NR5A1: variants seen among roughly 807,000 people sequenced by gnomAD.
NR5A1 encodes the protein nuclear receptor subfamily 5 group A member 1.
A neutral mutation model predicts 42.7 loss-of-function variants in NR5A1; 6 were observed. The ratio of observed to expected loss-of-function variants is 0.14; its 90% CI spans 0.08 to 0.28. The LOEUF is 0.28. Ranked by LOEUF, NR5A1 falls within the 10% of genes least tolerant of loss-of-function variation. The pLI is 1.00. For missense variants in NR5A1, 442 were observed against 626.4 expected (o/e 0.71, Z 3.14); for synonymous variants, 274 against 277.5 (o/e 0.99, Z 0.12).
At position 124,496,026 on chromosome 9, in the gene NR5A1, C is replaced by T. The variant is rs376783405; in HGVS notation, c.871-2877G>A. Among the ~76,000 whole-genome samples the T allele has an allele frequency of 5.9e-5, 9 of 152,284 alleles. No individual in the cohort carries two copies. The highest frequency in any genetic ancestry group is 1.7e-4 in the African/African-American group (7 of 41,530). On this transcript the variant is annotated intron_variant, in intron 4 of 6. Coordinates refer to ENST00000373588, the MANE Select transcript of NR5A1 (RefSeq NM_004959.5). The surrounding 1 kb of genome is among the most constrained non-coding windows in gnomAD (Gnocchi z 5.0). ...AACACACATTGGGATGTATGGGAAT[C>T]GGTGGACCTGCTGTTGGTTCTTACG...
Position 124,483,647 on chromosome 9 carries a change from G to A in NR5A1, c.1139-642C>T, listed in dbSNP as rs145109991. On this transcript the variant is annotated intron_variant, in intron 6 of 6. Coordinates refer to ENST00000373588, the MANE Select transcript of NR5A1 (RefSeq NM_004959.5). Reference sequence around the variant, plus strand: ...CCCCTGGCACGATCAAAGCCATCTTGTCTCCATCATCACTGATGCCTCATC... The same window carrying A: ...CCCCTGGCACGATCAAAGCCATCTTATCTCCATCATCACTGATGCCTCATC... Among the ~76,000 whole-genome samples, 511 of 152,332 alleles carry A rather than the reference G, an allele frequency of 3.4e-3. 2 individuals carry two copies. The highest frequency in any genetic ancestry group is 0.012 in the African/African-American group (489 of 41,576).
In NR5A1 at chr9:124,500,465, C is replaced by T. The variant is rs753145150; in HGVS notation, c.495G>A (p.Gly165=). Residue 165 remains glycine (G), a synonymous_variant, in exon 4 of 7, where the codon GGG becomes GGA. Transcript: ENST00000373588. The surrounding 1 kb of genome is among the most constrained non-coding windows in gnomAD (Gnocchi z 6.9). The stretch of plus-strand genomic sequence containing the variant: ...GCACGGCCATGGGCAGTGCTGGGGC[C>T]CCAAAGTCGCCCAGTGGCCCAGCAG... The part of the protein sequence containing the change: ...GPPAGPLGDF[G]APALPMAVPG... 3 of 1,593,210 alleles carry T rather than the reference C, an allele frequency of 1.9e-6. No individual in the cohort carries two copies. The highest frequency in any genetic ancestry group is 2.6e-6 in the Non-Finnish European group (3 of 1,172,014).
chr9:124,497,649 C>G (rs993924527), intron 4 of NR5A1, among the ~76,000 whole-genome samples: 1 of 152,122 alleles, frequency 6.6e-6, no homozygotes, highest in Admixed American at 6.5e-5. Flanking sequence ...CCTCCCTGAC[C>G]CGGAACCTGG....
rs370021010 is a variant in NR5A1, at chr9:124,494,573, G to A, written c.871-1424C>T. The stretch of plus-strand genomic sequence containing the variant: ...TCTGGGGAGGCAGAACTGGTGTTCA[G>A]CTCTTCTCTGGGCCCCAGAGCAGTG... On this transcript the variant is annotated intron_variant, in intron 4 of 6. Coordinates refer to ENST00000373588, the MANE Select transcript of NR5A1 (RefSeq NM_004959.5). 6.6e-5 allele frequency among the ~76,000 whole-genome samples: 10 copies of A among 152,340 alleles called. No individual in the cohort carries two copies. The South Asian group carries it at 2.1e-3, about 32-fold the overall frequency.
At chr9:124,489,661 C>G (rs1376263238) in intron 6 of NR5A1, among the ~76,000 whole-genome samples, 1 of 152,050 alleles carries the variant, frequency 6.6e-6, no homozygotes, top group African/African-American at 2.4e-5. Flanking sequence ...GGGAGCTTCC[C>G]CAGCTGCAGC....
At chr9:124,494,900 A>C (rs899227680) in intron 4 of NR5A1, among the ~76,000 whole-genome samples, 1 of 152,212 alleles carries the variant, frequency 6.6e-6, no homozygotes, top group Non-Finnish European at 1.5e-5. Flanking sequence ...TCAGAGGGGA[A>C]CTGGGCCAAG....
chr9:124,484,316 C>T (rs1832175621), intron 6 of NR5A1, among the ~76,000 whole-genome samples: 1 of 152,344 alleles, frequency 6.6e-6, no homozygotes, highest in African/African-American at 2.4e-5. Context: ...GTGGTGACCG[C>T]ACCCCAAGGA....
rs1046008206 is a variant in NR5A1 at position 124,482,340 on chromosome 9, A to G, written c.*418T>C. 3 of 304,710 alleles carry G rather than the reference A, an allele frequency of 9.8e-6. No individual in the cohort carries two copies. Among genetic ancestry groups the G allele is most frequent in the Non-Finnish European group, 1.3e-5 (2 of 154,528 alleles). 18.9% of individuals were successfully genotyped at this position (304,710 alleles called of 1,614,324 possible). A position where few individuals can be genotyped will look rare whatever the true frequency, so the allele number is the denominator to read the frequency against. ...CTCCTCCCCTAGTTGATACCTGCTC[A>G]ACTTCTCCCTGTCTGTTTCCAGGAG... On this transcript the variant is annotated 3_prime_UTR_variant, in exon 7 of 7. Transcript: ENST00000373588.
chr9:124,491,171 G>A lies in NR5A1; in HGVS notation c.1048C>T (p.Arg350Trp), dbSNP rs754336683. 2 of 1,609,002 alleles carry A rather than the reference G, an allele frequency of 1.2e-6. No individual in the cohort carries two copies. The highest frequency in any genetic ancestry group is 1.7e-6 in the Non-Finnish European group (2 of 1,178,530). Residue 350 changes from arginine (R) to tryptophan (W), a missense_variant, in exon 6 of 7, where the codon CGG (arginine) becomes TGG (tryptophan). Physicochemically the swap from Arg to Trp is moderately radical, Grantham distance 101. This residue lies in a region of NR5A1 where 163 missense variants were observed against 265.8 expected (regional missense o/e 0.61). Coordinates refer to ENST00000373588, the MANE Select transcript of NR5A1 (RefSeq NM_004959.5). The stretch of plus-strand genomic sequence containing the variant: ...AGCTGCAGCACCAGCTCCTGCGCCC[G>A]CAACACCAGGCTGTGCAGCAGCGAG... ...AGSLLHSLVL[R>W]AQELVLQLLA...
At chr9:124,491,618 A>T (rs1316208468) in intron 5 of NR5A1, among the ~76,000 whole-genome samples, 1 of 151,994 alleles carries the variant, frequency 6.6e-6, no homozygotes, top group African/African-American at 2.4e-5. Context: ...ACACATCCAC[A>T]TGGCTTCCCA....
Position 124,498,587 on chromosome 9 carries a change from T to C in NR5A1, c.870+1503A>G, listed in dbSNP as rs547599763. On this transcript the variant is annotated intron_variant, in intron 4 of 6. Coordinates refer to ENST00000373588, the MANE Select transcript of NR5A1 (RefSeq NM_004959.5). This position sits in a 1 kb window ranked among gnomAD's most constrained non-coding sequence, Gnocchi z 4.6. ...CTCTGCACGGGGGGTGCATGGGAAG[T>C]CTGGAGGGAAGCTAGCAACCAACCC... Among the ~76,000 whole-genome samples, 1 of 152,270 alleles carries C rather than the reference T, an allele frequency of 6.6e-6. No individual in the cohort carries two copies. Among genetic ancestry groups the C allele is most frequent in the South Asian group, 2.1e-4 (1 of 4,818 alleles).
In NR5A1 at chr9:124,500,024, G is replaced by C. The variant is rs1042873205; in HGVS notation, c.870+66C>G. 68 of 1,610,802 alleles carry C rather than the reference G, an allele frequency of 4.2e-5. No individual in the cohort carries two copies. The East Asian group carries it at 9.1e-4, about 22-fold the overall frequency. ...GGATGGCCCTATCCAAAGGACAGTC[G>C]GGCTAAGGCTTGGGCAGCCGGGAGG... On this transcript the variant is annotated intron_variant, in intron 4 of 6. Transcript: ENST00000373588. This position sits in a 1 kb window ranked among gnomAD's most constrained non-coding sequence, Gnocchi z 6.9.
At chr9:124,483,524 G>T (rs867331546) in intron 6 of NR5A1, among the ~76,000 whole-genome samples, 2 of 152,180 alleles carry the variant, frequency 1.3e-5, no homozygotes, top group Non-Finnish European at 2.9e-5. Flanking sequence ...TGAGAAGCTC[G>T]GTGGGTTGGG....
At chr9:124,487,700 AG>A (rs1250104672) in intron 6 of NR5A1, among the ~76,000 whole-genome samples, 1 of 152,206 alleles carries the variant, frequency 6.6e-6, no homozygotes, top group Non-Finnish European at 1.5e-5. Flanking sequence ...GCCGCCCCCG[AG>A]GGGGACGCCC....
rs773978626 is a variant in NR5A1 at position 124,491,166 on chromosome 9, C to T, written c.1053G>A (p.Ala351=). ...CAAGCAGCTGCAGCACCAGCTCCTG[C>T]GCCCGCAACACCAGGCTGTGCAGCA... ...GSLLHSLVLR[A]QELVLQLLAL... is the part of the protein sequence containing the mutation. The change falls in exon 6 of 7, where the codon GCG becomes GCA. Residue 351 remains alanine, a synonymous_variant. Coordinates refer to ENST00000373588, the MANE Select transcript of NR5A1 (RefSeq NM_004959.5). The T allele has an allele frequency of 1.8e-5, 29 of 1,609,058 alleles. No individual in the cohort carries two copies. The highest frequency in any genetic ancestry group is 2.2e-5 in the East Asian group (1 of 44,818).
Position 124,491,096 on chromosome 9 carries a change from T to G in NR5A1, c.1123A>C (p.Ile375Leu). The change falls in exon 6 of 7, where the codon ATC becomes CTC. Residue 375 changes from isoleucine (I) to leucine (L), a missense_variant. Physicochemically the swap from Ile to Leu is conservative, Grantham distance 5. Coordinates refer to ENST00000373588, the MANE Select transcript of NR5A1 (RefSeq NM_004959.5). ...RQEFVCLKFI[I>L]LFSLDLKFLN... is the part of the protein sequence containing the mutation. ...CTGCACTCACCCAGGCTGAAGAGGA[T>G]GATGAACTTGAGGCAGACAAACTCC... is the stretch of plus-strand genomic sequence containing the variant. The G allele has an allele frequency of 1.4e-6, 2 of 1,459,142 alleles. No individual in the cohort carries two copies. The allele number at this position is 1,459,142 out of a possible 1,614,324, so 90.4% of individuals were successfully genotyped here. A position where few individuals can be genotyped will look rare whatever the true frequency, so the allele number is the denominator to read the frequency against.
rs1263197408 is a variant in NR5A1, at chr9:124,482,309, C to T, written c.*449G>A. ...GTCTCTATGGGGGGAACACTGGAGA[C>T]CCTCTCTCCTCCCCTAGTTGATACC... On this transcript the variant is annotated 3_prime_UTR_variant, in exon 7 of 7. Transcript: ENST00000373588. 3 of 271,298 alleles carry T rather than the reference C, an allele frequency of 1.1e-5. No homozygotes were observed. The highest frequency in any genetic ancestry group is 4.4e-5 in the African/African-American group (2 of 45,448). The allele number at this position is 271,298 out of a possible 1,614,324, so 16.8% of individuals were successfully genotyped here. A position where few individuals can be genotyped will look rare whatever the true frequency, so the allele number is the denominator to read the frequency against.
At position 124,501,915 on chromosome 9, in the gene NR5A1, C is replaced by T. The variant is rs946241325; in HGVS notation, c.244+1164G>A. 6.6e-6 allele frequency among the ~76,000 whole-genome samples: 1 copy of T among 152,194 alleles called. No homozygotes were observed. Among genetic ancestry groups the T allele is most frequent in the South Asian group, 2.1e-4 (1 of 4,826 alleles). ...GAAGCTCAAATCTTTCCTGCCAAAA[C>T]TTACCTCCTCCTCTCTGGGCTGAGA... On this transcript the variant is annotated intron_variant, in intron 3 of 6. Transcript: ENST00000373588. This position sits in a 1 kb window ranked among gnomAD's most constrained non-coding sequence, Gnocchi z 4.1.
rs187654686 is a variant in NR5A1, at chr9:124,495,654, G to A, written c.871-2505C>T. On this transcript the variant is annotated intron_variant, in intron 4 of 6. Transcript: ENST00000373588. Reference sequence around the variant, plus strand: ...CTCGCAGGCCCACAGGAGCAGACACGCTTGCGCCCAGAACGAAGACACAAG... The same window carrying A: ...CTCGCAGGCCCACAGGAGCAGACACACTTGCGCCCAGAACGAAGACACAAG... 1.6e-3 allele frequency among the ~76,000 whole-genome samples: 249 copies of A among 152,312 alleles called. 1 individual carries two copies. Among genetic ancestry groups the A allele is most frequent in the Non-Finnish European group, 3.2e-3 (216 of 68,022 alleles).
Sources: allele counts gnomAD v4.1 joint callset (sites outside exome capture counted in the v4.1 genomes callset), GRCh38; gene constraint gnomAD v4.1.1; regional missense constraint gnomAD v4.1.1; non-coding constraint Gnocchi (gnomAD v3.1); transcripts MANE v1.5; gene names NCBI Gene and HGNC (gene_info 2026-07-23, HGNC 2026-07-21).